The following RERE variants were observed in gnomAD, a reference collection of about 807,000 sequenced individuals.
The protein encoded by RERE is arginine-glutamic acid dipeptide repeats protein.
Under a neutral mutation model 146.1 loss-of-function variants are expected in RERE, and 40 were observed. The observed-to-expected ratio is 0.27, with a 90% CI of 0.21 to 0.36. The LOEUF is 0.36. Ranked by LOEUF, RERE falls within the 10% of genes least tolerant of loss-of-function variation. RERE has a pLI of 1.00. For synonymous variants in RERE, 1,003 were observed against 866.0 expected (o/e 1.16, Z -2.78); for missense variants, 1,933 against 2,138.7 (o/e 0.90, Z 1.90).
At chr1:8,770,048 C>T (rs1266352478) in intron 1 of RERE, among the ~76,000 whole-genome samples, 1 of 152,128 alleles carries the variant, frequency 6.6e-6, no homozygotes, top group Non-Finnish European at 1.5e-5. Context: ...CTTCAGCCTC[C>T]CAAAGTGCTG....
intron 1 of RERE, chr1:8,750,402 ACCAGTAG>A: frequency 1.4e-6 from 1 of 720,608 alleles, no homozygotes; most frequent in South Asian, 1.5e-5. Flanking sequence ...TCTTTTAAAA[ACCAGTAG>A]CCTCTTTTTC....
intron 11 of RERE, among the ~76,000 whole-genome samples, chr1:8,427,953 A>G (rs1644039829): frequency 6.6e-6 from 1 of 152,206 alleles, no homozygotes; most frequent in African/African-American, 2.4e-5. Context: ...AACACTATTG[A>G]CTTATAAATC....
chr1:8,673,020 T>C (rs1037524509), intron 1 of RERE, among the ~76,000 whole-genome samples: 1 of 152,196 alleles, frequency 6.6e-6, no homozygotes, highest in African/African-American at 2.4e-5. Context: ...GGTTTTCATT[T>C]CTACCCTCCT....
Position 8,356,460 on chromosome 1 carries a change from C to T in RERE, c.4340-214G>A, listed in dbSNP as rs767957645. Among the ~76,000 whole-genome samples the T allele has an allele frequency of 3.3e-5, 5 of 152,122 alleles. No individual in the cohort carries two copies. The East Asian group carries it at 5.8e-4, about 18-fold the overall frequency. ...AGGCCGAGAGAAGTGACGAGCCCAC[C>T]GCTGATGCAGGCACTCCCTCGTCCG... On this transcript the variant is annotated intron_variant, in intron 20 of 22. Transcript: ENST00000400908. The surrounding 1 kb of genome is among the most constrained non-coding windows in gnomAD (Gnocchi z 5.2).
At position 8,763,008 on chromosome 1, in the gene RERE, A is replaced by C. The variant is rs181938844; in HGVS notation, c.-145+54152T>G. 5.3e-5 allele frequency among the ~76,000 whole-genome samples: 8 copies of C among 152,334 alleles called. No homozygotes were observed. The East Asian group carries it at 1.5e-3, about 29-fold the overall frequency. ...AATCTAGGCATGGAAGACTAAAAGAAGTTAGGGTCCAGTAAGCTTAAAAAA... is the reference window on the plus strand; with the variant it reads ...AATCTAGGCATGGAAGACTAAAAGACGTTAGGGTCCAGTAAGCTTAAAAAA... On this transcript the variant is annotated intron_variant, in intron 1 of 22. Coordinates refer to ENST00000400908, the MANE Select transcript of RERE (RefSeq NM_001042681.2).
intron 12 of RERE, among the ~76,000 whole-genome samples, chr1:8,416,967 G>C (rs1207541809): frequency 7.0e-6 from 1 of 143,422 alleles, no homozygotes; most frequent in African/African-American, 3.0e-5. Context: ...GAGCAGTGAG[G>C]ATAGACAACG....
intron 1 of RERE, among the ~76,000 whole-genome samples, chr1:8,793,104 C>T (rs1641393356): frequency 7.0e-6 from 1 of 142,946 alleles, no homozygotes; most frequent in Non-Finnish European, 1.5e-5. Flanking sequence ...TTGCAGTGAG[C>T]TGAGATCGCG....
chr1:8,757,891 TAC>T (rs750546384), intron 1 of RERE, among the ~76,000 whole-genome samples: 2 of 127,058 alleles, frequency 1.6e-5, no homozygotes, highest in Non-Finnish European at 3.4e-5. Context: ...TACATATGTA[TAC>T]ACACACACAC....
In RERE at chr1:8,497,477, G is replaced by A. The variant is rs1364381500; in HGVS notation, c.932C>T (p.Thr311Ile). 1 of 1,614,114 alleles carries A rather than the reference G, an allele frequency of 6.2e-7. No individual in the cohort carries two copies. Among genetic ancestry groups the A allele is most frequent in the Non-Finnish European group, 8.5e-7 (1 of 1,179,998 alleles). ...CATCCAGACCAGTTCCTCATGTTGG[G>A]TCACTGTATCACCATCTGGAGAAGG... is the stretch of plus-strand genomic sequence containing the variant. ...PFPSPDGDTVTQHEELVWMPG... is the reference protein window; with the variant it reads ...PFPSPDGDTVIQHEELVWMPG... Residue 311 changes from threonine to isoleucine, a missense_variant, in exon 9 of 23, where the codon ACC (threonine) becomes ATC (isoleucine). Thr to Ile is a moderately conservative substitution (Grantham distance 89, BLOSUM62 -1). Around this residue, in one of 11 missense-constraint regions of RERE, gnomAD observed 260 missense variants for 378.4 expected, o/e 0.69. Coordinates refer to ENST00000400908, the MANE Select transcript of RERE (RefSeq NM_001042681.2).
At chr1:8,620,910 G>C (rs1646908712) in intron 3 of RERE, among the ~76,000 whole-genome samples, 1 of 151,846 alleles carries the variant, frequency 6.6e-6, no homozygotes. Flanking sequence ...GAGAATGAAA[G>C]CTTCCTAATA....
chr1:8,753,448 T>C (rs1192737396), intron 1 of RERE: 2 of 152,236 alleles, frequency 1.3e-5, no homozygotes, highest in South Asian at 2.1e-4. Context: ...GACATTTCAG[T>C]GTGAGTCTTG....
At chr1:8,440,982 T>C (rs1465083399) in intron 11 of RERE, among the ~76,000 whole-genome samples, 1 of 127,808 alleles carries the variant, frequency 7.8e-6, no homozygotes, top group African/African-American at 2.9e-5. Flanking sequence ...GGGTTTTCTT[T>C]AGCTCATGCA....
At chr1:8,490,959 T>TA (rs965694396) in intron 10 of RERE, among the ~76,000 whole-genome samples, 26 of 150,666 alleles carry the variant, frequency 1.7e-4, no homozygotes, top group Non-Finnish European at 3.2e-4. Flanking sequence ...CAGTTTATTA[T>TA]ACATAAATCT....
At chr1:8,442,405 A>AT (rs1385553743) in intron 11 of RERE, among the ~76,000 whole-genome samples, 3 of 150,924 alleles carry the variant, frequency 2.0e-5, no homozygotes, top group Non-Finnish European at 3.0e-5. Context: ...AAAAAAAAAA[A>AT]GCTTATTTTA....
At chr1:8,400,647 G>A (rs760431342) in intron 12 of RERE, among the ~76,000 whole-genome samples, 1 of 151,794 alleles carries the variant, frequency 6.6e-6, no homozygotes, top group Non-Finnish European at 1.5e-5. Flanking sequence ...TATTAGTGAT[G>A]ACAGTAGGCA....
chr1:8,590,008 C>T (rs1339109967), intron 4 of RERE, among the ~76,000 whole-genome samples: 2 of 152,038 alleles, frequency 1.3e-5, no homozygotes, highest in African/African-American at 4.8e-5. Flanking sequence ...GCTTTTTTTG[C>T]CCTGCTGTTT....
Position 8,423,449 on chromosome 1 carries a change from T to G in RERE, c.1204-642A>C. On this transcript the variant is annotated intron_variant, in intron 11 of 22. Transcript: ENST00000400908. This position sits in a 1 kb window ranked among gnomAD's most constrained non-coding sequence, Gnocchi z 5.4. ...GACGCCACTCGCCGCCCCCATCCATTTTCGCAGCAGACTCGTCCCTAACCC... is the reference window on the plus strand; with the variant it reads ...GACGCCACTCGCCGCCCCCATCCATGTTCGCAGCAGACTCGTCCCTAACCC... 1.3e-6 allele frequency: 1 copy of G among 762,082 alleles called. No homozygotes were observed. Among genetic ancestry groups the G allele is most frequent in the Non-Finnish European group, 1.6e-6 (1 of 626,328 alleles). 47.2% of individuals were successfully genotyped at this position (762,082 alleles called of 1,614,324 possible). A position where few individuals can be genotyped will look rare whatever the true frequency, so the allele number is the denominator to read the frequency against.
intron 1 of RERE, among the ~76,000 whole-genome samples, chr1:8,746,035 A>AGCCTG (rs1343873769): frequency 6.6e-6 from 1 of 152,264 alleles, no homozygotes; most frequent in African/African-American, 2.4e-5. Context: ...ACTGCACTGC[A>AGCCTG]GCCTGGGCTG....
At position 8,465,434 on chromosome 1, in the gene RERE, C is replaced by T. The variant is rs554724940; in HGVS notation, c.1203+491G>A. 9.0e-4 allele frequency: 285 copies of T among 315,122 alleles called. 1 individual carries two copies. The highest frequency in any genetic ancestry group is 1.4e-3 in the Non-Finnish European group (228 of 160,616). The allele number at this position is 315,122 out of a possible 1,614,324, so 19.5% of individuals were successfully genotyped here. ...AAGCATGGTAGAGCATGCCTACAGT[C>T]CCAGCTACTTAAGAAGCTGGGGCAA... On this transcript the variant is annotated intron_variant, in intron 11 of 22. Coordinates refer to ENST00000400908, the MANE Select transcript of RERE (RefSeq NM_001042681.2).
Sources: allele counts gnomAD v4.1 joint callset (sites outside exome capture counted in the v4.1 genomes callset), GRCh38; gene constraint gnomAD v4.1.1; regional missense constraint gnomAD v4.1.1; non-coding constraint Gnocchi (gnomAD v3.1); transcripts MANE v1.5; gene names NCBI Gene and HGNC (gene_info 2026-07-23, HGNC 2026-07-21).